Variants in PHF3 observed in about 807,000 individuals in gnomAD.
PHF3 encodes PHD finger protein 3.
Under a neutral mutation model 178.4 loss-of-function variants are expected in PHF3, and 41 were observed. That is an observed-to-expected ratio of 0.23 (90% CI 0.18 to 0.30). The LOEUF (loss-of-function observed/expected upper bound fraction) is 0.30, where lower values mean the gene tolerates loss of function less well. Among genes scored for constraint, PHF3 ranks in the 10% least tolerant of loss-of-function variants. The pLI, the probability that PHF3 is intolerant of heterozygous loss-of-function variation, is 1.00. For synonymous variants in PHF3, 842 were observed against 800.5 expected (o/e 1.05, Z -0.88); for missense variants, 2,346 against 2,398.1 (o/e 0.98, Z 0.45).
At chr6:63,710,940 G>GT (rs1767899410) in intron 14 of PHF3, among the ~76,000 whole-genome samples, 1 of 152,116 alleles carries the variant, frequency 6.6e-6, no homozygotes, top group African/African-American at 2.4e-5. Context: ...TTATGTTTCC[G>GT]TAAGAAATGT....
intron 1 of PHF3, among the ~76,000 whole-genome samples, chr6:63,641,011 A>C (rs544043403): frequency 4.6e-5 from 7 of 152,242 alleles, no homozygotes; most frequent in Admixed American, 6.5e-5. Context: ...GATACAAAGC[A>C]TGTAGAACAA....
intron 9 of PHF3, among the ~76,000 whole-genome samples, chr6:63,701,774 A>G (rs1347596821): frequency 6.6e-6 from 1 of 151,936 alleles, no homozygotes; most frequent in Non-Finnish European, 1.5e-5. Flanking sequence ...CCTTCCCTCC[A>G]TATCTCAAAT....
intron 11 of PHF3, among the ~76,000 whole-genome samples, chr6:63,704,347 T>G (rs1348605673): frequency 1.3e-5 from 2 of 152,072 alleles, no homozygotes; most frequent in Non-Finnish European, 2.9e-5. Flanking sequence ...ATTATAGTAT[T>G]ATACAGAGTA....
intron 2 of PHF3, among the ~76,000 whole-genome samples, chr6:63,670,395 A>G (rs917050796): frequency 1.3e-5 from 2 of 152,086 alleles, no homozygotes; most frequent in Non-Finnish European, 2.9e-5. Flanking sequence ...CAACCTCCCA[A>G]GTAGCTGGGA....
At chr6:63,701,887 A>G (rs1767492320) in intron 9 of PHF3, among the ~76,000 whole-genome samples, 2 of 152,150 alleles carry the variant, frequency 1.3e-5, no homozygotes, top group South Asian at 2.1e-4. Flanking sequence ...ATTTTTCTTT[A>G]AAGGATGATT....
At chr6:63,702,771 G>A (rs1767529178) in intron 10 of PHF3, 132 bp downstream of exon 10, 1 of 869,024 alleles carries the variant, frequency 1.2e-6, no homozygotes, top group Non-Finnish European at 1.7e-6. Flanking sequence ...TATTTTATTG[G>A]TTTAGTGGTT....
Position 63,669,632 on chromosome 6 carries a change from G to A in PHF3, c.245-10368G>A, listed in dbSNP as rs576967326. Among the ~76,000 whole-genome samples, 42 of 152,236 alleles carry A rather than the reference G, an allele frequency of 2.8e-4. 2 individuals carry two copies. In the South Asian group the frequency reaches 8.7e-3, roughly 32 times the overall value. On this transcript the variant is annotated intron_variant, in intron 2 of 15. Transcript: ENST00000262043. Reference sequence around the variant, plus strand: ...ACATGGACAAATAAACCATATTAAAGTAGTTTTTCTCTGAGGGTTTCTATA... The same window carrying A: ...ACATGGACAAATAAACCATATTAAAATAGTTTTTCTCTGAGGGTTTCTATA...
At chr6:63,649,183 A>G (rs1013933866) in intron 2 of PHF3, among the ~76,000 whole-genome samples, 11 of 151,822 alleles carry the variant, frequency 7.2e-5, no homozygotes, top group African/African-American at 1.2e-4. Flanking sequence ...GCCTCAAGCT[A>G]TCCTCCGGCC....
chr6:63,649,268 A>G (rs575600415), intron 2 of PHF3, among the ~76,000 whole-genome samples: 7 of 152,114 alleles, frequency 4.6e-5, no homozygotes, highest in Non-Finnish European at 8.8e-5. Flanking sequence ...GTAATTATTG[A>G]TGAAAACCCT....
Position 63,713,583 on chromosome 6 carries a change from C to T in PHF3, c.5995C>T (p.Pro1999Ser). 1 of 1,613,290 alleles carries T rather than the reference C, an allele frequency of 6.2e-7. No individual in the cohort carries two copies. The highest frequency in any genetic ancestry group is 8.5e-7 in the Non-Finnish European group (1 of 1,179,806). The change falls in exon 16 of 16, where the codon CCT (proline) becomes TCT (serine). Residue 1999 changes from proline (P) to serine (S), a missense_variant. By Grantham distance (74) the Pro-to-Ser change is moderately conservative (BLOSUM62 -1). This residue lies in a region of PHF3 where 839 missense variants were observed against 806.9 expected (regional missense o/e 1.04). Transcript: ENST00000262043. Reference protein sequence around the residue: ...SRNVDKKPDKPKSEDYEKDKE... With the variant: ...SRNVDKKPDKSKSEDYEKDKE... Reference sequence around the variant, plus strand: ...GAATGTAGACAAGAAGCCAGATAAACCTAAAAGTGAAGACTATGAGAAGGA... The same window carrying T: ...GAATGTAGACAAGAAGCCAGATAAATCTAAAAGTGAAGACTATGAGAAGGA...
chr6:63,670,385 C>T (rs986752437), intron 2 of PHF3, among the ~76,000 whole-genome samples: 1 of 152,184 alleles, frequency 6.6e-6, no homozygotes, highest in African/African-American at 2.4e-5. Context: ...TGTCCTGCCT[C>T]AACCTCCCAA....
chr6:63,647,167 CAT>C (rs1223695221), intron 2 of PHF3, among the ~76,000 whole-genome samples: 3 of 152,146 alleles, frequency 2.0e-5, no homozygotes, highest in South Asian at 4.2e-4. Flanking sequence ...CAAATTGAGA[CAT>C]GTGGTCACCT....
chr6:63,682,898 T>A (rs915302222), intron 3 of PHF3, among the ~76,000 whole-genome samples: 2 of 152,110 alleles, frequency 1.3e-5, no homozygotes, highest in Non-Finnish European at 2.9e-5. Context: ...ATCCTTCATT[T>A]GTTTCATTTC....
Position 63,715,879 on chromosome 6 carries a change from A to G in PHF3, c.*2171A>G, listed in dbSNP as rs1037125293. On this transcript the variant is annotated 3_prime_UTR_variant, in exon 16 of 16. Coordinates refer to ENST00000262043, the MANE Select transcript of PHF3 (RefSeq NM_001370348.2). ...AAAGCCATTCTCAGTCCCAGGTACA[A>G]CCAGCCTTACACAAACTAGTGAATT... is the stretch of plus-strand genomic sequence containing the variant. Among the ~76,000 whole-genome samples, 5 of 152,158 alleles carry G rather than the reference A, an allele frequency of 3.3e-5. No homozygotes were observed. Among genetic ancestry groups the G allele is most frequent in the Non-Finnish European group, 5.9e-5 (4 of 68,022 alleles).
At chr6:63,688,417 C>T (rs1019965780) in intron 4 of PHF3, among the ~76,000 whole-genome samples, 1 of 141,974 alleles carries the variant, frequency 7.0e-6, no homozygotes, top group African/African-American at 2.7e-5. Context: ...CTGACTGAAA[C>T]CTCCACCTCC....
Position 63,712,156 on chromosome 6 carries a change from T to A in PHF3, c.4568T>A (p.Ile1523Lys). 1 of 1,613,394 alleles carries A rather than the reference T, an allele frequency of 6.2e-7. No individual in the cohort carries two copies. Among genetic ancestry groups the A allele is most frequent in the Non-Finnish European group, 8.5e-7 (1 of 1,179,688 alleles). ...VEVTDGENKE[I>K]KVKVDNISES... ...GTAACTGATGGTGAAAACAAGGAGA[T>A]AAAAGTTAAAGTAGATAATATTTCA... The change falls in exon 16 of 16, where the codon ATA becomes AAA. Residue 1523 changes from isoleucine (I) to lysine (K), a missense_variant. Physicochemically the swap from Ile to Lys is moderately radical, Grantham distance 102 (BLOSUM62 -3). Around this residue, in one of 8 missense-constraint regions of PHF3, gnomAD observed 839 missense variants for 806.9 expected, o/e 1.04. Coordinates refer to ENST00000262043, the MANE Select transcript of PHF3 (RefSeq NM_001370348.2).
At position 63,636,046 on chromosome 6, in the gene PHF3, C is replaced by T. The variant is rs1764314430; in HGVS notation, c.-130C>T. On this transcript the variant is annotated 5_prime_UTR_variant, in exon 1 of 16. Transcript: ENST00000262043. ...CGACGCCGACGTCCTGCGCGTACCCCCTCTCCGCGGCACCCACCGGGCCCC... is the reference window on the plus strand; with the variant it reads ...CGACGCCGACGTCCTGCGCGTACCCTCTCTCCGCGGCACCCACCGGGCCCC... 2 of 394,930 alleles carry T rather than the reference C, an allele frequency of 5.1e-6. No individual in the cohort carries two copies. The highest frequency in any genetic ancestry group is 4.4e-5 in the Admixed American group (1 of 22,582). 24.5% of individuals were successfully genotyped at this position (394,930 alleles called of 1,614,324 possible). A position where few individuals can be genotyped will look rare whatever the true frequency, so the allele number is the denominator to read the frequency against.
intron 1 of PHF3, among the ~76,000 whole-genome samples, chr6:63,638,024 T>C (rs764074646): frequency 3.3e-5 from 5 of 152,206 alleles, no homozygotes; most frequent in African/African-American, 4.8e-5. Flanking sequence ...GTTGATCTTA[T>C]GGTATACTTA....
At chr6:63,679,887 C>G in intron 2 of PHF3, 113 bp from the exon 3 acceptor site, 1 of 871,524 alleles carries the variant, frequency 1.1e-6, no homozygotes, top group Non-Finnish European at 1.9e-6. Context: ...TCCAGATTTT[C>G]AAGAGTATGT....
Sources: gnomAD v4.1 joint callset for allele counts (sites outside exome capture counted in the v4.1 genomes callset) on GRCh38, gnomAD v4.1.1 for gene constraint, gnomAD v4.1.1 regional missense constraint, MANE v1.5 for transcripts, NCBI Gene and HGNC (gene_info 2026-07-23, HGNC 2026-07-21) for gene names.